The following CNTN1 variants were observed in gnomAD, a reference collection of about 807,000 sequenced individuals.
The protein encoded by CNTN1 is contactin-1.
CNTN1 carries 38 observed loss-of-function variants against 126.4 expected under a neutral mutation model. The ratio of observed to expected loss-of-function variants is 0.30; its 90% CI spans 0.23 to 0.39. CNTN1 has a LOEUF of 0.39. Among genes scored for constraint, CNTN1 ranks in the 10% least tolerant of loss-of-function variants. The pLI is 1.00. For missense variants in CNTN1, 1,009 were observed against 1,248.4 expected, an observed-to-expected ratio of 0.81 and a Z score of 2.89; for synonymous variants, 413 against 422.6, an observed-to-expected ratio of 0.98 and a Z score of 0.28.
chr12:40,899,718 C>T (rs1338662356), intron 1 of CNTN1, among the ~76,000 whole-genome samples: 1 of 151,994 alleles, frequency 6.6e-6, no homozygotes, highest in African/African-American at 2.4e-5. Context: ...ACAAATTTCC[C>T]GGAAAACTTG....
chr12:41,059,016 A>T (rs1949885323), intron 23 of CNTN1, among the ~76,000 whole-genome samples: 1 of 150,644 alleles, frequency 6.6e-6, no homozygotes, highest in African/African-American at 2.4e-5. Flanking sequence ...ACAGAGAGAC[A>T]CCAATTAATC....
At chr12:41,011,585 C>T (rs1223118907) in intron 17 of CNTN1, among the ~76,000 whole-genome samples, 1 of 152,182 alleles carries the variant, frequency 6.6e-6, no homozygotes, top group Non-Finnish European at 1.5e-5. Context: ...GTGGCTTCCC[C>T]AGCCATGGAA....
chr12:40,875,353 G>A (rs1016584348), intron 1 of CNTN1, among the ~76,000 whole-genome samples: 3 of 151,892 alleles, frequency 2.0e-5, no homozygotes, highest in South Asian at 2.1e-4. Flanking sequence ...GAACATTTCT[G>A]TCACCACAAT....
At chr12:40,840,898 T>A in intron 1 of CNTN1, among the ~76,000 whole-genome samples, 1 of 149,180 alleles carries the variant, frequency 6.7e-6, no homozygotes, top group Non-Finnish European at 1.5e-5. Context: ...CTAAAGGAAC[T>A]AGAAAAACAA....
chr12:41,015,376 G>A (rs2120736228), intron 18 of CNTN1, among the ~76,000 whole-genome samples: 1 of 152,108 alleles, frequency 6.6e-6, no homozygotes, highest in South Asian at 2.1e-4. Flanking sequence ...ATTCAGTATT[G>A]GAAATTCTCC....
intron 1 of CNTN1, among the ~76,000 whole-genome samples, chr12:40,767,861 G>C (rs1028072939): frequency 1.3e-5 from 2 of 151,912 alleles, no homozygotes; most frequent in Non-Finnish European, 2.9e-5. Context: ...TTAAACAATT[G>C]ACTTTTCTAA....
intron 23 of CNTN1, among the ~76,000 whole-genome samples, chr12:41,052,935 A>G (rs965824877): frequency 6.6e-6 from 1 of 151,996 alleles, no homozygotes; most frequent in Non-Finnish European, 1.5e-5. Flanking sequence ...TAAAATCTAA[A>G]GAGAAAATTC....
At chr12:40,887,254 T>A (rs2136713894) in intron 1 of CNTN1, among the ~76,000 whole-genome samples, 1 of 152,190 alleles carries the variant, frequency 6.6e-6, no homozygotes, top group South Asian at 2.1e-4. Flanking sequence ...TGAGCAGTGG[T>A]TTGTAGTTCT....
intron 1 of CNTN1, among the ~76,000 whole-genome samples, chr12:40,879,464 C>T (rs1295061920): frequency 6.6e-6 from 1 of 152,120 alleles, no homozygotes; most frequent in African/African-American, 2.4e-5. Context: ...ATAAATTGAG[C>T]ATTTTATGCT....
rs797045475 is a variant in CNTN1, at chr12:41,027,970, GTA to G, written c.2823+6_2823+7del. ...TGAATCTACAGTGACGGGATATAAG[GTA>G]TATACAAATAGTGATGATTAATGTT... On this transcript the variant is annotated splice_donor_variant and splice_donor_region_variant and intron_variant, in intron 22 of 23. Transcript: ENST00000551295. LOFTEE classifies it high-confidence loss of function. 85 of 1,557,108 alleles carry G rather than the reference GTA, an allele frequency of 5.5e-5. 3 individuals carry two copies. The South Asian group carries it at 8.6e-4, about 16-fold the overall frequency.
At chr12:40,801,111 C>T (rs1019891074) in intron 1 of CNTN1, among the ~76,000 whole-genome samples, 3 of 146,894 alleles carry the variant, frequency 2.0e-5, no homozygotes, top group African/African-American at 7.7e-5. Flanking sequence ...ATAATAATAA[C>T]AAATACCCTT....
At chr12:41,002,564 T>C (rs1337041881) in intron 17 of CNTN1, among the ~76,000 whole-genome samples, 1 of 148,948 alleles carries the variant, frequency 6.7e-6, no homozygotes. Flanking sequence ...CTTTCTTTTT[T>C]TTTTTTTTTT....
chr12:41,005,520 A>G (rs976858572), intron 17 of CNTN1, among the ~76,000 whole-genome samples: 1 of 152,136 alleles, frequency 6.6e-6, no homozygotes, highest in Non-Finnish European at 1.5e-5. Context: ...ATCCTGAAAT[A>G]TGGTTTCCAA....
Position 41,064,109 on chromosome 12 carries a change from G to A in CNTN1, c.2981-5850G>A, listed in dbSNP as rs183955378. On this transcript the variant is annotated intron_variant, in intron 23 of 23. Transcript: ENST00000551295. ...GAATGGCGTGAACCCGGGAGGCAGAGCTTTCAGTTAGCCGAGATCGCGCCA... is the reference window on the plus strand; with the variant it reads ...GAATGGCGTGAACCCGGGAGGCAGAACTTTCAGTTAGCCGAGATCGCGCCA... Among the ~76,000 whole-genome samples, 33 of 151,060 alleles carry A rather than the reference G, an allele frequency of 2.2e-4. No homozygotes were observed. In the East Asian group the frequency reaches 5.9e-3, roughly 27 times the overall value.
At chr12:40,766,671 T>G (rs957130586) in intron 1 of CNTN1, among the ~76,000 whole-genome samples, 4 of 152,052 alleles carry the variant, frequency 2.6e-5, no homozygotes, top group African/African-American at 9.7e-5. Context: ...TATATTAGAG[T>G]GTGATACATG....
chr12:41,069,508 C>T (rs1950119935), intron 23 of CNTN1, among the ~76,000 whole-genome samples: 1 of 152,038 alleles, frequency 6.6e-6, no homozygotes, highest in Non-Finnish European at 1.5e-5. Flanking sequence ...CATATGTATA[C>T]AAGTGCCATG....
intron 1 of CNTN1, among the ~76,000 whole-genome samples, chr12:40,752,544 A>T (rs1938442905): frequency 6.6e-6 from 1 of 152,068 alleles, no homozygotes; most frequent in Non-Finnish European, 1.5e-5. Context: ...TTCTCCCCTT[A>T]GTGCTGATGT....
intron 1 of CNTN1, among the ~76,000 whole-genome samples, chr12:40,900,249 TA>T (rs765690001): frequency 1.5e-3 from 227 of 152,336 alleles, no homozygotes; most frequent in Middle Eastern, 3.4e-3. Flanking sequence ...CAGAGGAATG[TA>T]AAAATAGTGA....
At chr12:40,958,351 ATGTG>A (rs34419027) in intron 14 of CNTN1, among the ~76,000 whole-genome samples, 39,176 of 146,926 alleles carry the variant, frequency 0.27, 5,324 homozygotes, top group South Asian at 0.36. Flanking sequence ...GTGTGTATAT[ATGTG>A]TGTGTGTGTG....
Sources: allele counts gnomAD v4.1 joint callset (sites outside exome capture counted in the v4.1 genomes callset), GRCh38; gene constraint gnomAD v4.1.1; transcripts MANE v1.5; gene names NCBI Gene and HGNC (gene_info 2026-07-23, HGNC 2026-07-21).